The following KIF19 variants were observed in gnomAD, a reference collection of about 807,000 sequenced individuals.
The protein encoded by KIF19 is kinesin family member 19.
Under a neutral mutation model 106.6 loss-of-function variants are expected in KIF19, and 98 were observed. That is an observed-to-expected ratio of 0.92 (90% CI 0.78 to 1.09). KIF19 has a LOEUF of 1.09. Among genes scored for constraint, KIF19 ranks in the 50% least tolerant of loss-of-function variants. The pLI, the probability that KIF19 is intolerant of heterozygous loss-of-function variation, is 0.00. For synonymous variants in KIF19, 516 were observed against 584.2 expected (o/e 0.88, Z 1.68); for missense variants, 1,373 against 1,414.3 (o/e 0.97, Z 0.47).
Position 74,350,411 on chromosome 17 carries a change from G to C in KIF19, c.1224G>C (p.Gln408His), listed in dbSNP as rs1240738177. 6.3e-7 allele frequency: 1 copy of C among 1,599,404 alleles called. No individual in the cohort carries two copies. The highest frequency in any genetic ancestry group is 8.5e-7 in the Non-Finnish European group (1 of 1,174,304). Residue 408 changes from glutamine (Q) to histidine (H), a missense_variant, in exon 11 of 20, where the codon CAG becomes CAC. Around this residue, in one of 3 missense-constraint regions of KIF19, gnomAD observed 1,020 missense variants for 1,008.2 expected, o/e 1.01. Transcript: ENST00000389916. The stretch of plus-strand genomic sequence containing the variant: ...CTCACCCATCGGCAGCTGAGGTCCA[G>C]CTGCACAGCGGGCAGGGTGAGAAGG... ...GDIRHIQAEV[Q>H]LHSGQGEKAG...
At chr17:74,350,945 G>C (rs776550575) in intron 12 of KIF19, 40 bp downstream of exon 12, 1 of 1,606,528 alleles carries the variant, frequency 6.2e-7, no homozygotes, top group Admixed American at 1.7e-5. Flanking sequence ...TGGGTTTAGG[G>C]GACAGGGTGA....
Position 74,343,152 on chromosome 17 carries a change from T to C in KIF19, c.448T>C (p.Tyr150His). The change falls in exon 5 of 20, where the codon TAC (tyrosine) becomes CAC (histidine). Residue 150 changes from tyrosine (Y) to histidine (H), a missense_variant. Physicochemically the swap from Tyr to His is moderately conservative, Grantham distance 83. This residue lies in a region of KIF19 where 348 missense variants were observed against 389.5 expected (regional missense o/e 0.89). Transcript: ENST00000389916. ...NDMEYEVSMS[Y>H]LEIYNEMIRD... is the part of the protein sequence containing the mutation. Reference sequence around the variant, plus strand: ...CATGGAGTATGAGGTCTCCATGTCCTACCTGGAGGTGAGTCCCCCAGCCTA... The same window carrying C: ...CATGGAGTATGAGGTCTCCATGTCCCACCTGGAGGTGAGTCCCCCAGCCTA... 1 of 1,612,496 alleles carries C rather than the reference T, an allele frequency of 6.2e-7. No individual in the cohort carries two copies. Among genetic ancestry groups the C allele is most frequent in the Non-Finnish European group, 8.5e-7 (1 of 1,179,710 alleles).
chr17:74,349,595 C>T (rs2054636085), intron 10 of KIF19, among the ~76,000 whole-genome samples: 1 of 152,208 alleles, frequency 6.6e-6, no homozygotes, highest in Non-Finnish European at 1.5e-5. Context: ...AGGTGGGATC[C>T]CACGAGGGAG....
chr17:74,342,501 C>A (rs1205263121), intron 3 of KIF19, 129 bp from the exon 4 acceptor site: 12 of 689,120 alleles, frequency 1.7e-5, no homozygotes, highest in Non-Finnish European at 2.5e-5. Context: ...CCACCCCCCA[C>A]CCCCACTTAT....
intron 2 of KIF19, 68 bp downstream of exon 2, chr17:74,328,573 A>G: frequency 7.7e-7 from 1 of 1,303,826 alleles, no homozygotes; most frequent in Non-Finnish European, 1.1e-6. Context: ...TCACCTGGTG[A>G]GGGCAGAAAG....
chr17:74,339,607 C>G (rs1314404138), intron 2 of KIF19, among the ~76,000 whole-genome samples: 1 of 148,708 alleles, frequency 6.7e-6, no homozygotes, highest in East Asian at 1.9e-4. Flanking sequence ...GCATGAGATG[C>G]CCATGCTGGC....
rs1210497142 is a variant in KIF19, at chr17:74,354,169, G to A, written c.2316G>A (p.Lys772=). The A allele has an allele frequency of 1.2e-6, 2 of 1,606,686 alleles. No individual in the cohort carries two copies. The highest frequency in any genetic ancestry group is 1.7e-5 in the Admixed American group (1 of 59,368). The stretch of plus-strand genomic sequence containing the variant: ...CCCCGTGTCCCGCTGCAGAGAGGAA[G>A]GAGATCCTGACTGGCACCAAGTGCA... ...SEIPLSHKER[K]EILTGTKCIW... Residue 772 remains lysine (K), a synonymous_variant, in exon 18 of 20, where the codon AAG becomes AAA. Coordinates refer to ENST00000389916, the MANE Select transcript of KIF19 (RefSeq NM_153209.4).
Position 74,355,335 on chromosome 17 carries a change from C to A in KIF19, c.*23C>A. The stretch of plus-strand genomic sequence containing the variant: ...TGAGGGGCCCTGCCTGGAACTGGCT[C>A]TCTCACCTCCCAAGACTGAATGGGG... On this transcript the variant is annotated 3_prime_UTR_variant, in exon 20 of 20. Coordinates refer to ENST00000389916, the MANE Select transcript of KIF19 (RefSeq NM_153209.4). The A allele has an allele frequency of 6.3e-7, 1 of 1,587,150 alleles. No individual in the cohort carries two copies. Among genetic ancestry groups the A allele is most frequent in the Non-Finnish European group, 8.6e-7 (1 of 1,168,820 alleles).
At chr17:74,342,591 G>C (rs746932945) in intron 3 of KIF19, 39 bp from the exon 4 acceptor site, 1 of 1,537,532 alleles carries the variant, frequency 6.5e-7, no homozygotes, top group Non-Finnish European at 9.0e-7. Context: ...GCTGTGCCCC[G>C]CCTGTGTCCC....
intron 6 of KIF19, 117 bp downstream of exon 6, chr17:74,344,465 C>A: frequency 1.4e-6 from 2 of 1,450,864 alleles, no homozygotes; most frequent in Non-Finnish European, 9.2e-7. Context: ...CTGGGACAGA[C>A]AGGAGAATCC....
At chr17:74,330,472 T>C (rs985042311) in intron 2 of KIF19, among the ~76,000 whole-genome samples, 1 of 152,026 alleles carries the variant, frequency 6.6e-6, no homozygotes, top group Non-Finnish European at 1.5e-5. Context: ...AGCCATAGAG[T>C]TCAGGAGGAG....
Position 74,350,535 on chromosome 17 carries a change from G to A in KIF19, c.1348G>A (p.Val450Ile), listed in dbSNP as rs781403522. The stretch of plus-strand genomic sequence containing the variant: ...GGAGCTGGAGAACCGCGCCATGGAG[G>A]TCCAGATTGACACCTCCCGACACCT... ...LLELENRAME[V>I]QIDTSRHLLT... is the part of the protein sequence containing the mutation. Residue 450 changes from valine to isoleucine, a missense_variant, in exon 11 of 20, where the codon GTC (valine) becomes ATC (isoleucine). Val to Ile is a conservative substitution (Grantham distance 29). This residue lies in a region of KIF19 where 1,020 missense variants were observed against 1,008.2 expected (regional missense o/e 1.01). Transcript: ENST00000389916. 1.4e-5 allele frequency: 22 copies of A among 1,612,854 alleles called. No individual in the cohort carries two copies. Among genetic ancestry groups the A allele is most frequent in the Non-Finnish European group, 1.8e-5 (21 of 1,179,876 alleles).
chr17:74,341,541 A>C (rs1312810012), intron 2 of KIF19, among the ~76,000 whole-genome samples: 2 of 152,174 alleles, frequency 1.3e-5, no homozygotes, highest in Non-Finnish European at 1.5e-5. Flanking sequence ...CTGGCCTTGC[A>C]GAGGCAATTG....
chr17:74,352,219 A>G lies in KIF19; in HGVS notation c.1859A>G (p.Asp620Gly). Reference sequence around the variant, plus strand: ...CTGAGCCCTGCCCCTTCCCCAGCAGACTACAACCTGGCCGTCCCGCAGCGC... The same window carrying G: ...CTGAGCCCTGCCCCTTCCCCAGCAGGCTACAACCTGGCCGTCCCGCAGCGC... The part of the protein sequence containing the change: ...IIQGQRQIID[D>G]YNLAVPQRLE... The change falls in exon 14 of 20, where the codon GAC becomes GGC. Residue 620 changes from aspartate to glycine, a missense_variant and splice_region_variant. Transcript: ENST00000389916. 6.2e-7 allele frequency: 1 copy of G among 1,611,522 alleles called. No homozygotes were observed. The highest frequency in any genetic ancestry group is 8.5e-7 in the Non-Finnish European group (1 of 1,178,980).
chr17:74,326,409 C>T (rs1469664350), intron 1 of KIF19, 21 bp downstream of exon 1: 2 of 1,609,956 alleles, frequency 1.2e-6, no homozygotes, highest in East Asian at 2.2e-5. Flanking sequence ...TTTAGACCCT[C>T]CTCCCCACCC....
intron 2 of KIF19, among the ~76,000 whole-genome samples, chr17:74,332,184 GTGTGTGTGTGTGTGTGTGTGTGTGTT>G (rs1230885739): frequency 4.5e-5 from 2 of 44,676 alleles, no homozygotes; most frequent in African/African-American, 1.7e-4. Context: ...ACCTCAGTGT[GTGTGTGTGTGTGTGTGTGTGTGTGTT>G]TGTGTGTGTG....
In KIF19 at chr17:74,352,240, A is replaced by G. The variant is rs750405732; in HGVS notation, c.1880A>G (p.Gln627Arg). The G allele has an allele frequency of 6.2e-7, 1 of 1,612,690 alleles. No homozygotes were observed. Among genetic ancestry groups the G allele is most frequent in the Non-Finnish European group, 8.5e-7 (1 of 1,179,554 alleles). Residue 627 changes from glutamine to arginine, a missense_variant, in exon 14 of 20, where the codon CAG (glutamine) becomes CGG (arginine). Physicochemically the swap from Gln to Arg is conservative, Grantham distance 43. Around this residue, in one of 3 missense-constraint regions of KIF19, gnomAD observed 1,020 missense variants for 1,008.2 expected, o/e 1.01. Coordinates refer to ENST00000389916, the MANE Select transcript of KIF19 (RefSeq NM_153209.4). Reference sequence around the variant, plus strand: ...GCAGACTACAACCTGGCCGTCCCGCAGCGCCTGGAAGAGCTCTACGAAGTG... The same window carrying G: ...GCAGACTACAACCTGGCCGTCCCGCGGCGCCTGGAAGAGCTCTACGAAGTG... Reference protein sequence around the residue: ...IIDDYNLAVPQRLEELYEVYL... With the variant: ...IIDDYNLAVPRRLEELYEVYL...
intron 2 of KIF19, among the ~76,000 whole-genome samples, chr17:74,341,057 G>A (rs550030015): frequency 1.3e-5 from 2 of 152,210 alleles, no homozygotes; most frequent in Admixed American, 6.5e-5. Flanking sequence ...GTGTGAGGCC[G>A]GGTGTGGTGG....
At position 74,344,235 on chromosome 17, in the gene KIF19, ATGATCCGGGACCTGC is replaced by A. The variant is rs1567909725; in HGVS notation, c.473_487del (p.Ile158_Leu162del). 1 of 1,611,856 alleles carries A rather than the reference ATGATCCGGGACCTGC, an allele frequency of 6.2e-7. No individual in the cohort carries two copies. The highest frequency in any genetic ancestry group is 8.5e-7 in the Non-Finnish European group (1 of 1,179,262). The stretch of plus-strand genomic sequence containing the variant: ...CCTGTCCCGTCAGATCTACAATGAG[ATGATCCGGGACCTGC>A]TGAACCCCTCCCTGGGCTACCTGGA... On this transcript the variant is annotated inframe_deletion, in exon 6 of 20. Transcript: ENST00000389916.
Sources: gnomAD v4.1 joint callset for allele counts (sites outside exome capture counted in the v4.1 genomes callset) on GRCh38, gnomAD v4.1.1 for gene constraint, gnomAD v4.1.1 regional missense constraint, MANE v1.5 for transcripts, NCBI Gene and HGNC (gene_info 2026-07-23, HGNC 2026-07-21) for gene names.